GBF1: variants seen among roughly 807,000 people sequenced by gnomAD.
GBF1 encodes golgi brefeldin A resistant guanine nucleotide exchange factor 1, also known as Golgi-specific brefeldin A-resistance guanine nucleotide exchange factor 1.
A neutral mutation model predicts 210.5 loss-of-function variants in GBF1; 114 were observed. That is an observed-to-expected ratio of 0.54 (90% CI 0.47 to 0.63). The LOEUF (loss-of-function observed/expected upper bound fraction) is 0.63, where lower values mean the gene tolerates loss of function less well. Ranked by LOEUF, GBF1 falls within the 30% of genes least tolerant of loss-of-function variation. GBF1 has a pLI of 0.00. For missense variants in GBF1, 1,851 were observed against 2,357.7 expected, an observed-to-expected ratio of 0.79 and a Z score of 4.45; for synonymous variants, 850 against 889.2, an observed-to-expected ratio of 0.96 and a Z score of 0.78.
intron 3 of GBF1, among the ~76,000 whole-genome samples, chr10:102,316,754 A>G (rs2078968518): frequency 6.6e-6 from 1 of 152,242 alleles, no homozygotes. Context: ...GGCTGTGGTC[A>G]TAAAAGCTAG....
intron 3 of GBF1, among the ~76,000 whole-genome samples, chr10:102,326,988 C>T (rs1437575745): frequency 1.3e-5 from 2 of 152,184 alleles, no homozygotes; most frequent in African/African-American, 4.8e-5. Context: ...AGGCCCCCCT[C>T]CTTAAGATTA....
At chr10:102,282,181 C>A (rs868763463) in intron 3 of GBF1, among the ~76,000 whole-genome samples, 15 of 151,776 alleles carry the variant, frequency 9.9e-5, no homozygotes, top group African/African-American at 3.2e-4. Flanking sequence ...GTGATCCACC[C>A]GCCTCGGCCT....
chr10:102,274,564 C>G (rs2074744547), intron 3 of GBF1, among the ~76,000 whole-genome samples: 1 of 152,028 alleles, frequency 6.6e-6, no homozygotes, highest in Admixed American at 6.6e-5. Flanking sequence ...CAACTGACCA[C>G]AGTTGAACCA....
At position 102,382,748 on chromosome 10, in the gene GBF1, A is replaced by G. The variant is rs759217538; in HGVS notation, c.*412A>G. On this transcript the variant is annotated 3_prime_UTR_variant, in exon 40 of 40. Coordinates refer to ENST00000369983, the MANE Select transcript of GBF1 (RefSeq NM_001377137.1). ...TCCTCCAGTTCTTCCTCTTTTACTA[A>G]TTAGTTGGTCAGTTTGGAGAGTTGA... is the stretch of plus-strand genomic sequence containing the variant. 1 of 175,410 alleles carries G rather than the reference A, an allele frequency of 5.7e-6. No individual in the cohort carries two copies. Among genetic ancestry groups the G allele is most frequent in the Non-Finnish European group, 1.2e-5 (1 of 83,258 alleles). 10.9% of individuals were successfully genotyped at this position (175,410 alleles called of 1,614,324 possible). A position where few individuals can be genotyped will look rare whatever the true frequency, so the allele number is the denominator to read the frequency against.
intron 3 of GBF1, among the ~76,000 whole-genome samples, chr10:102,290,221 G>A (rs2076323195): frequency 6.6e-6 from 1 of 151,948 alleles, no homozygotes; most frequent in African/African-American, 2.4e-5. Flanking sequence ...TATTCATTTA[G>A]TATCATTTTT....
At chr10:102,275,822 C>G (rs2074906592) in intron 3 of GBF1, among the ~76,000 whole-genome samples, 1 of 152,194 alleles carries the variant, frequency 6.6e-6, no homozygotes, top group African/African-American at 2.4e-5. Flanking sequence ...TGGACAGAAG[C>G]ATTGTAGGGA....
intron 29 of GBF1, 115 bp downstream of exon 29, chr10:102,370,975 C>T: frequency 2.0e-6 from 2 of 1,001,602 alleles, no homozygotes; most frequent in South Asian, 3.1e-5. Flanking sequence ...TAGCATGAGT[C>T]CAGTGACCAA....
chr10:102,368,505 A>C, intron 22 of GBF1, 51 bp downstream of exon 22: 1 of 1,075,088 alleles, frequency 9.3e-7, no homozygotes, highest in Non-Finnish European at 1.4e-6. Context: ...CTGTGAGCTA[A>C]CATGGTTTTC....
chr10:102,231,025 A>T, the GBF1 span: 3 of 1,600,626 alleles, frequency 1.9e-6, no homozygotes, highest in East Asian at 6.8e-5. Flanking sequence ...CGGCGCCGCG[A>T]AGCTGCCTTT....
intron 3 of GBF1, among the ~76,000 whole-genome samples, chr10:102,323,065 C>A (rs1317311946): frequency 6.6e-6 from 1 of 151,906 alleles, no homozygotes; most frequent in East Asian, 1.9e-4. Context: ...CAGCTGAACA[C>A]CTCTTCTCAC....
chr10:102,361,143 A>G, intron 13 of GBF1, 23 bp downstream of exon 13: 1 of 1,197,648 alleles, frequency 8.3e-7, no homozygotes, highest in Non-Finnish European at 1.3e-6. Flanking sequence ...ATGTGGAAAG[A>G]AAAGGGGGAA....
In GBF1 at chr10:102,334,879, C is replaced by T. The variant is rs534466924; in HGVS notation, c.164-9172C>T. The stretch of plus-strand genomic sequence containing the variant: ...AAAAAAAAAAAGTCAAGATTCATCC[C>T]CATTTTGGAGAGGTCACCTCATCAT... On this transcript the variant is annotated intron_variant, in intron 3 of 39. Coordinates refer to ENST00000369983, the MANE Select transcript of GBF1 (RefSeq NM_001377137.1). Among the ~76,000 whole-genome samples, 9 of 152,084 alleles carry T rather than the reference C, an allele frequency of 5.9e-5. No homozygotes were observed. The South Asian group carries it at 1.9e-3, about 32-fold the overall frequency.
chr10:102,311,705 G>A (rs2078450759), intron 3 of GBF1, among the ~76,000 whole-genome samples: 1 of 152,140 alleles, frequency 6.6e-6, no homozygotes, highest in Admixed American at 6.5e-5. Flanking sequence ...AATTTCTTCT[G>A]TTCCCACTCA....
chr10:102,314,024 G>A (rs187199681), intron 3 of GBF1, among the ~76,000 whole-genome samples: 113 of 151,704 alleles, frequency 7.4e-4, no homozygotes, highest in Non-Finnish European at 5.6e-4. Context: ...GGGATTATAA[G>A]TAATCCAGTT....
At chr10:102,358,978 C>T in intron 10 of GBF1, 1 of 588,392 alleles carries the variant, frequency 1.7e-6, no homozygotes, top group East Asian at 2.8e-5. Flanking sequence ...AGGGAAGGAG[C>T]TGGCCATTGC....
At chr10:102,342,127 C>T (rs1322163010) in intron 3 of GBF1, among the ~76,000 whole-genome samples, 1 of 151,234 alleles carries the variant, frequency 6.6e-6, no homozygotes, top group East Asian at 1.9e-4. Flanking sequence ...AGCTCTGCCT[C>T]CTGGGTTCAC....
intron 8 of GBF1, among the ~76,000 whole-genome samples, chr10:102,357,486 CAAA>C (rs1173962338): frequency 6.9e-5 from 7 of 101,156 alleles, no homozygotes; most frequent in African/African-American, 1.1e-4. Flanking sequence ...GACTCCATCT[CAAA>C]AAAAAAAAAA....
At chr10:102,271,806 C>T (rs2133303816) in intron 3 of GBF1, among the ~76,000 whole-genome samples, 1 of 152,160 alleles carries the variant, frequency 6.6e-6, no homozygotes, top group South Asian at 2.1e-4. Flanking sequence ...GGCTGGAGTA[C>T]AGTGGTGTGA....
At position 102,361,061 on chromosome 10, in the gene GBF1, C is replaced by T. The variant is rs1565158739; in HGVS notation, c.1432C>T (p.Leu478=). Reference sequence around the variant, plus strand: ...GCGACTAAACCTTTATGCTGCTTCCCTGCGAGTATGCTTCCTACTGTTTGA... The same window carrying T: ...GCGACTAAACCTTTATGCTGCTTCCTTGCGAGTATGCTTCCTACTGTTTGA... ...IERLNLYAAS[L]RVCFLLFESM... is the part of the protein sequence containing the mutation. The change falls in exon 13 of 40, where the codon CTG becomes TTG. Residue 478 remains leucine, a synonymous_variant. Coordinates refer to ENST00000369983, the MANE Select transcript of GBF1 (RefSeq NM_001377137.1). The T allele has an allele frequency of 3.1e-6, 5 of 1,607,814 alleles. No homozygotes were observed. Among genetic ancestry groups the T allele is most frequent in the Non-Finnish European group, 3.4e-6 (4 of 1,174,356 alleles).
Sources: allele counts gnomAD v4.1 joint callset (sites outside exome capture counted in the v4.1 genomes callset), GRCh38; gene constraint gnomAD v4.1.1; transcripts MANE v1.5; gene names NCBI Gene and HGNC (gene_info 2026-07-23, HGNC 2026-07-21).